The following GUCY1A2 variants were observed in gnomAD, a reference collection of about 807,000 sequenced individuals.
GUCY1A2 encodes the protein guanylate cyclase soluble subunit alpha-2.
GUCY1A2 carries 27 observed loss-of-function variants against 63.5 expected under a neutral mutation model. That is an observed-to-expected ratio of 0.43 (90% CI 0.31 to 0.59). The LOEUF is 0.59. Among genes scored for constraint, GUCY1A2 ranks in the 20% least tolerant of loss-of-function variants. The pLI is 0.11. For synonymous variants in GUCY1A2, 364 were observed against 343.5 expected (o/e 1.06, Z -0.66); for missense variants, 768 against 913.3 (o/e 0.84, Z 2.05).
At chr11:106,742,187 C>CT (rs996232187) in intron 6 of GUCY1A2, among the ~76,000 whole-genome samples, 3 of 151,504 alleles carry the variant, frequency 2.0e-5, no homozygotes, top group African/African-American at 4.9e-5. Context: ...GATGAATTTT[C>CT]TTTTTTTTTC....
chr11:106,879,831 G>C (rs1859799586), intron 4 of GUCY1A2, among the ~76,000 whole-genome samples: 1 of 152,026 alleles, frequency 6.6e-6, no homozygotes, highest in African/African-American at 2.4e-5. Flanking sequence ...GAAATGAAAA[G>C]ATTTGAAAGC....
chr11:106,909,363 G>GTGTGTA (rs1409886808), intron 4 of GUCY1A2, among the ~76,000 whole-genome samples: 2 of 148,450 alleles, frequency 1.3e-5, no homozygotes, highest in South Asian at 2.1e-4. Context: ...ATCTGTGTGT[G>GTGTGTA]TGTGTGTGTG....
At chr11:107,007,950 AC>A (rs1861694066) in intron 1 of GUCY1A2, among the ~76,000 whole-genome samples, 1 of 147,368 alleles carries the variant, frequency 6.8e-6, no homozygotes, top group East Asian at 2.5e-4. Flanking sequence ...CACATCAGCA[AC>A]CCCAAATAAC....
Position 106,683,585 on chromosome 11 carries a change from G to A in GUCY1A2, c.*3964C>T, listed in dbSNP as rs1862468151. On this transcript the variant is annotated 3_prime_UTR_variant, in exon 8 of 8. Transcript: ENST00000526355. ...TGAGGCACCAGCAACCCTTTCTGTA[G>A]CCATTCTGGGTTCAGAAGTGAAGAG... 4.4e-6 allele frequency: 1 copy of A among 228,460 alleles called. No individual in the cohort carries two copies. The allele number at this position is 228,460 out of a possible 1,614,324, so 14.2% of individuals were successfully genotyped here.
At chr11:106,925,157 AAG>A (rs551963613) in intron 4 of GUCY1A2, among the ~76,000 whole-genome samples, 5 of 151,498 alleles carry the variant, frequency 3.3e-5, no homozygotes, top group African/African-American at 4.8e-5. Flanking sequence ...AAGTTTTCAA[AAG>A]AGAGAGAGAG....
intron 4 of GUCY1A2, among the ~76,000 whole-genome samples, chr11:106,874,470 C>G (rs113903024): frequency 4.8e-4 from 73 of 152,260 alleles, no homozygotes; most frequent in African/African-American, 1.7e-3. Flanking sequence ...ATGTCACAGT[C>G]TCAAAGCAGA....
In GUCY1A2 at chr11:106,832,368, G is replaced by C. The variant is rs558813091; in HGVS notation, c.1207-21890C>G. 1.4e-4 allele frequency among the ~76,000 whole-genome samples: 22 copies of C among 152,228 alleles called. 2 individuals carry two copies. The South Asian group carries it at 4.4e-3, about 30-fold the overall frequency. On this transcript the variant is annotated intron_variant, in intron 4 of 7. Transcript: ENST00000526355. ...AATGAAAATCTCTAGGGCAAACTAT[G>C]TATTAGAGACTTTATTTCTTTTTGA...
intron 3 of GUCY1A2, among the ~76,000 whole-genome samples, chr11:106,957,848 G>C (rs1039499858): frequency 3.0e-5 from 4 of 132,384 alleles, no homozygotes; most frequent in African/African-American, 1.1e-4. Context: ...CTGAGCAAAG[G>C]GACAAACTTT....
chr11:106,985,808 G>C (rs1465314115), intron 2 of GUCY1A2, among the ~76,000 whole-genome samples: 1 of 152,066 alleles, frequency 6.6e-6, no homozygotes, highest in African/African-American at 2.4e-5. Flanking sequence ...CGGAATAAAA[G>C]AGTAAGAACA....
At chr11:106,853,399 C>G (rs558862128) in intron 4 of GUCY1A2, among the ~76,000 whole-genome samples, 1 of 151,792 alleles carries the variant, frequency 6.6e-6, no homozygotes, top group African/African-American at 2.4e-5. Flanking sequence ...GAAGCTCTAT[C>G]TTCAAGTTTA....
intron 5 of GUCY1A2, among the ~76,000 whole-genome samples, chr11:106,790,823 C>T (rs999974084): frequency 3.3e-5 from 5 of 152,068 alleles, no homozygotes; most frequent in African/African-American, 7.2e-5. Context: ...CTGACTGGTG[C>T]CCTATCCTAC....
chr11:106,699,060 T>C (rs1345004228), intron 7 of GUCY1A2, among the ~76,000 whole-genome samples: 1 of 152,196 alleles, frequency 6.6e-6, no homozygotes, highest in African/African-American at 2.4e-5. Flanking sequence ...AGTAATACTT[T>C]TATCTATGTT....
chr11:106,958,026 G>A (rs1861012693), intron 3 of GUCY1A2, among the ~76,000 whole-genome samples: 1 of 151,994 alleles, frequency 6.6e-6, no homozygotes, highest in African/African-American at 2.4e-5. Flanking sequence ...AGCATTAGAT[G>A]TTAAGAGTGA....
chr11:106,791,947 T>C (rs904180438), intron 5 of GUCY1A2, among the ~76,000 whole-genome samples: 5 of 152,020 alleles, frequency 3.3e-5, no homozygotes, highest in African/African-American at 9.7e-5. Flanking sequence ...ACTCATTCTG[T>C]AAGGGCAGCA....
intron 6 of GUCY1A2, among the ~76,000 whole-genome samples, chr11:106,713,882 T>C (rs181510020): frequency 5.3e-4 from 80 of 152,168 alleles, no homozygotes; most frequent in African/African-American, 1.7e-3. Context: ...AATGCATGTT[T>C]GCTAGAAGTA....
intron 1 of GUCY1A2, among the ~76,000 whole-genome samples, chr11:106,988,629 T>G (rs2120147741): frequency 6.6e-6 from 1 of 152,350 alleles, no homozygotes; most frequent in South Asian, 2.1e-4. Context: ...TAAAAAGAAA[T>G]GTTCTCTGAG....
chr11:106,695,920 GATAGC>G (rs1463270603), intron 7 of GUCY1A2, among the ~76,000 whole-genome samples: 3 of 152,118 alleles, frequency 2.0e-5, no homozygotes, highest in African/African-American at 7.2e-5. Context: ...CTCCTAAAGG[GATAGC>G]CTTCCTGTAT....
chr11:106,685,811 C>G lies in GUCY1A2; in HGVS notation c.*1738G>C. ...TCTTCTCCATATAAAGAGTGTTGCA[C>G]TCGTGTCCTTGTAAACCCCCAGGGC... On this transcript the variant is annotated 3_prime_UTR_variant, in exon 8 of 8. Transcript: ENST00000526355. 1 of 226,430 alleles carries G rather than the reference C, an allele frequency of 4.4e-6. No homozygotes were observed. The highest frequency in any genetic ancestry group is 8.8e-6 in the Non-Finnish European group (1 of 113,794). The allele number at this position is 226,430 out of a possible 1,614,324, so 14.0% of individuals were successfully genotyped here.
intron 6 of GUCY1A2, among the ~76,000 whole-genome samples, chr11:106,757,667 T>C (rs1863997790): frequency 6.6e-6 from 1 of 152,096 alleles, no homozygotes; most frequent in Admixed American, 6.5e-5. Context: ...TTTACCCGGG[T>C]ATCACCAGCG....
Sources: gnomAD v4.1 joint callset for allele counts (sites outside exome capture counted in the v4.1 genomes callset) on GRCh38, gnomAD v4.1.1 for gene constraint, MANE v1.5 for transcripts, NCBI Gene and HGNC (gene_info 2026-07-23, HGNC 2026-07-21) for gene names.